The following AEBP2 variants were observed in gnomAD, a reference collection of about 807,000 sequenced individuals.
The protein encoded by AEBP2 is AE binding protein 2.
A neutral mutation model predicts 50.8 loss-of-function variants in AEBP2; 10 were observed. The ratio of observed to expected loss-of-function variants is 0.20; its 90% CI spans 0.12 to 0.33. The LOEUF is 0.33. Ranked by LOEUF, AEBP2 falls within the 10% of genes least tolerant of loss-of-function variation. The pLI is 1.00. For missense variants in AEBP2, 570 were observed against 688.0 expected, an observed-to-expected ratio of 0.83 and a Z score of 1.92; for synonymous variants, 296 against 261.3, an observed-to-expected ratio of 1.13 and a Z score of -1.28.
intron 1 of AEBP2, among the ~76,000 whole-genome samples, chr12:19,418,690 C>A (rs2095743959): frequency 1.3e-5 from 2 of 152,116 alleles, no homozygotes; most frequent in African/African-American, 4.8e-5. Context: ...TCTTATGTAT[C>A]CCTAAAATGT....
chr12:19,520,386 C>G lies in AEBP2; in HGVS notation c.*2269C>G, dbSNP rs1021212600. 1 of 152,122 alleles carries G rather than the reference C, an allele frequency of 6.6e-6. No individual in the cohort carries two copies. The highest frequency in any genetic ancestry group is 1.5e-5 in the Non-Finnish European group (1 of 68,020). The allele number at this position is 152,122 out of a possible 1,614,324, so 9.4% of individuals were successfully genotyped here. The stretch of plus-strand genomic sequence containing the variant: ...GTGATCCTTGATTAACTTCTGAGTA[C>G]TCAATCAATCATAATCCTTTTGCTG... On this transcript the variant is annotated 3_prime_UTR_variant, in exon 8 of 8. Coordinates refer to ENST00000266508, the MANE Select transcript of AEBP2 (RefSeq NM_153207.5).
At chr12:19,430,117 A>G (rs2153365130) in intron 1 of AEBP2, among the ~76,000 whole-genome samples, 1 of 152,138 alleles carries the variant, frequency 6.6e-6, no homozygotes, top group South Asian at 2.1e-4. Context: ...TAGGTCTAAC[A>G]TTTAAGTCTT....
At chr12:19,459,176 A>G (rs1406522319) in intron 1 of AEBP2, among the ~76,000 whole-genome samples, 1 of 152,208 alleles carries the variant, frequency 6.6e-6, no homozygotes, top group African/African-American at 2.4e-5. Flanking sequence ...AAAGCAAGTG[A>G]TAGGGAAAAT....
In AEBP2 at chr12:19,518,578, T is replaced by G; in HGVS notation, c.*461T>G. ...CAGTGTTTATTGATTTGAAGTCATA[T>G]TAGGAAATATTTAGACAATGAAAAT... On this transcript the variant is annotated 3_prime_UTR_variant, in exon 8 of 8. Coordinates refer to ENST00000266508, the MANE Select transcript of AEBP2 (RefSeq NM_153207.5). 7.3e-7 allele frequency: 1 copy of G among 1,365,508 alleles called. No homozygotes were observed. The highest frequency in any genetic ancestry group is 9.6e-7 in the Non-Finnish European group (1 of 1,038,602). The allele number at this position is 1,365,508 out of a possible 1,614,324, so 84.6% of individuals were successfully genotyped here. A position where few individuals can be genotyped will look rare whatever the true frequency, so the allele number is the denominator to read the frequency against.
intron 2 of AEBP2, among the ~76,000 whole-genome samples, chr12:19,465,149 C>CT (rs2153370769): frequency 6.6e-6 from 1 of 152,050 alleles, no homozygotes; most frequent in Non-Finnish European, 1.5e-5. Flanking sequence ...AATCCCAGCA[C>CT]TTTGGGAGGC....
intron 7 of AEBP2, among the ~76,000 whole-genome samples, chr12:19,517,848 T>G (rs1949342625): frequency 6.6e-6 from 1 of 152,224 alleles, no homozygotes; most frequent in African/African-American, 2.4e-5. Flanking sequence ...AATATATGTA[T>G]TACACATGGA....
chr12:19,502,985 GT>G (rs2086070727), intron 5 of AEBP2, among the ~76,000 whole-genome samples: 1 of 152,126 alleles, frequency 6.6e-6, no homozygotes. Flanking sequence ...CACTGTTTTG[GT>G]TACTGTAGCC....
Position 19,520,586 on chromosome 12 carries a change from A to G in AEBP2, c.*2469A>G, listed in dbSNP as rs1021264841. ...CATTTATTAATGTCTGCCCATCTGT[A>G]TTGTTGCTCCTACCTTCAAATATGA... On this transcript the variant is annotated 3_prime_UTR_variant, in exon 8 of 8. Coordinates refer to ENST00000266508, the MANE Select transcript of AEBP2 (RefSeq NM_153207.5). 6.6e-6 allele frequency: 1 copy of G among 152,162 alleles called. No homozygotes were observed. The highest frequency in any genetic ancestry group is 2.4e-5 in the African/African-American group (1 of 41,440). The allele number at this position is 152,162 out of a possible 1,614,324, so 9.4% of individuals were successfully genotyped here. A position where few individuals can be genotyped will look rare whatever the true frequency, so the allele number is the denominator to read the frequency against.
At chr12:19,487,727 AG>A (rs750536845) in intron 3 of AEBP2, among the ~76,000 whole-genome samples, 1 of 152,048 alleles carries the variant, frequency 6.6e-6, no homozygotes, top group Non-Finnish European at 1.5e-5. Context: ...AAAAACATAA[AG>A]AAAAAAAAAG....
intron 2 of AEBP2, among the ~76,000 whole-genome samples, chr12:19,465,709 T>G (rs1389259801): frequency 6.6e-6 from 1 of 152,012 alleles, no homozygotes; most frequent in Non-Finnish European, 1.5e-5. Flanking sequence ...GAATGAGAGT[T>G]TGGAAACTTA....
intron 1 of AEBP2, among the ~76,000 whole-genome samples, chr12:19,434,085 T>C (rs956236933): frequency 2.6e-5 from 4 of 152,006 alleles, no homozygotes; most frequent in Admixed American, 6.6e-5. Context: ...GACCTTGTGA[T>C]CCACCCACCT....
At chr12:19,406,675 C>G (rs1433519144) in intron 1 of AEBP2, among the ~76,000 whole-genome samples, 3 of 150,412 alleles carry the variant, frequency 2.0e-5, no homozygotes, top group Admixed American at 6.6e-5. Context: ...GAGCGAAACT[C>G]TGTCTCAAAA....
At chr12:19,412,244 A>G (rs191332893) in intron 1 of AEBP2, among the ~76,000 whole-genome samples, 2 of 152,262 alleles carry the variant, frequency 1.3e-5, no homozygotes, top group South Asian at 2.1e-4. Context: ...AAGACTGCAT[A>G]TTTTGATTCC....
intron 3 of AEBP2, among the ~76,000 whole-genome samples, chr12:19,478,453 C>T (rs1258055414): frequency 6.6e-6 from 1 of 152,074 alleles, no homozygotes; most frequent in African/African-American, 2.4e-5. Context: ...TGGGCCACCA[C>T]ACCCAGCTAA....
chr12:19,450,686 A>T (rs979598438), intron 1 of AEBP2, among the ~76,000 whole-genome samples: 50 of 147,504 alleles, frequency 3.4e-4, no homozygotes, highest in African/African-American at 1.2e-3. Flanking sequence ...AAAAAAGAAA[A>T]AAAAAAGACA....
At chr12:19,506,099 T>C (rs895600642) in intron 5 of AEBP2, among the ~76,000 whole-genome samples, 3 of 151,092 alleles carry the variant, frequency 2.0e-5, no homozygotes, top group African/African-American at 4.9e-5. Flanking sequence ...TAAAATAATA[T>C]ATATAATATC....
Position 19,518,677 on chromosome 12 carries a change from C to A in AEBP2, c.*560C>A. The stretch of plus-strand genomic sequence containing the variant: ...TTGCCATTTGTGTTCTTTTGCAGAA[C>A]TCTGATAAGAAAAGTGTTCAATTTG... On this transcript the variant is annotated 3_prime_UTR_variant, in exon 8 of 8. Coordinates refer to ENST00000266508, the MANE Select transcript of AEBP2 (RefSeq NM_153207.5). 6.8e-7 allele frequency: 1 copy of A among 1,475,720 alleles called. No homozygotes were observed. Among genetic ancestry groups the A allele is most frequent in the African/African-American group, 1.4e-5 (1 of 71,956 alleles). 91.4% of individuals were successfully genotyped at this position (1,475,720 alleles called of 1,614,324 possible).
At chr12:19,414,389 A>G (rs1030278328) in intron 1 of AEBP2, among the ~76,000 whole-genome samples, 3 of 152,152 alleles carry the variant, frequency 2.0e-5, no homozygotes, top group Admixed American at 6.6e-5. Context: ...CCAATTCCCA[A>G]AGTTACTTTA....
At chr12:19,481,526 C>T (rs1278097970) in intron 3 of AEBP2, among the ~76,000 whole-genome samples, 4 of 150,798 alleles carry the variant, frequency 2.7e-5, no homozygotes, top group Non-Finnish European at 5.9e-5. Flanking sequence ...GGCTGGAGCG[C>T]AGTGGTACAG....
Sources: gnomAD v4.1 joint callset for allele counts (sites outside exome capture counted in the v4.1 genomes callset) on GRCh38, gnomAD v4.1.1 for gene constraint, MANE v1.5 for transcripts, NCBI Gene and HGNC (gene_info 2026-07-23, HGNC 2026-07-21) for gene names.